ZNF16: variants seen among roughly 807,000 people sequenced by gnomAD.
The protein encoded by ZNF16 is zinc finger protein KOX9.
In ZNF16, 7 loss-of-function variants were observed where a neutral mutation model predicts 9.0. The observed-to-expected ratio is 0.78, with a 90% CI of 0.44 to 1.47. ZNF16 has a LOEUF of 1.47. ZNF16 is among the 40% of genes most tolerant of loss of function. ZNF16 has a pLI of 0.01. For missense variants in ZNF16, 830 were observed against 854.2 expected (o/e 0.97, Z 0.35); for synonymous variants, 312 against 301.5 (o/e 1.03, Z -0.36).
chr8:144,948,735 A>G (rs765773139), intron 1 of ZNF16, among the ~76,000 whole-genome samples: 1 of 140,968 alleles, frequency 7.1e-6, no homozygotes, highest in Non-Finnish European at 1.6e-5. Flanking sequence ...ATTACACCCA[A>G]CTATGCTATG....
intron 2 of ZNF16, among the ~76,000 whole-genome samples, chr8:144,935,602 C>A (rs1252869609): frequency 6.6e-6 from 1 of 152,090 alleles, no homozygotes; most frequent in African/African-American, 2.4e-5. Flanking sequence ...ACTCTGACAC[C>A]CAATTGGAAA....
At chr8:144,946,245 T>A (rs748988943) in intron 1 of ZNF16, 30 bp from the exon 2 acceptor site, 10 of 1,477,990 alleles carry the variant, frequency 6.8e-6, no homozygotes, top group Non-Finnish European at 8.1e-6. Context: ...CAGGTGAGTC[T>A]ACAGACAGGC....
chr8:144,942,779 A>G (rs950079428), intron 2 of ZNF16, among the ~76,000 whole-genome samples: 3 of 152,224 alleles, frequency 2.0e-5, no homozygotes, highest in African/African-American at 7.2e-5. Flanking sequence ...TAGACTTATA[A>G]TGCAGACCTT....
At chr8:144,941,552 T>C (rs1420498163) in intron 2 of ZNF16, among the ~76,000 whole-genome samples, 2 of 152,244 alleles carry the variant, frequency 1.3e-5, no homozygotes, top group African/African-American at 2.4e-5. Context: ...TGCCATTTTA[T>C]TTATTTTTGA....
intron 1 of ZNF16, among the ~76,000 whole-genome samples, chr8:144,949,436 CT>C (rs1834038542): frequency 6.6e-6 from 1 of 152,242 alleles, no homozygotes; most frequent in African/African-American, 2.4e-5. Context: ...CCCCATCGCA[CT>C]GCTGCCCCAT....
In ZNF16 at chr8:144,946,100, G is replaced by C. The variant is rs766407199; in HGVS notation, c.107C>G (p.Ala36Gly). Residue 36 changes from alanine (A) to glycine (G), a missense_variant, in exon 2 of 3, where the codon GCT becomes GGT. Coordinates refer to ENST00000394909, the MANE Select transcript of ZNF16 (RefSeq NM_006958.3). The part of the protein sequence containing the change: ...AAQARVRDAP[A>G]VTHPGSAACG... Reference sequence around the variant, plus strand: ...GGCTGCAGATCCAGGGTGGGTCACAGCAGGAGCATCTCTCACACGGGCCTG... The same window carrying C: ...GGCTGCAGATCCAGGGTGGGTCACACCAGGAGCATCTCTCACACGGGCCTG... 4 of 1,612,070 alleles carry C rather than the reference G, an allele frequency of 2.5e-6. No homozygotes were observed. The highest frequency in any genetic ancestry group is 2.5e-6 in the Non-Finnish European group (3 of 1,178,526).
chr8:144,931,001 T>C lies in ZNF16; in HGVS notation c.1786A>G (p.Thr596Ala). The change falls in exon 3 of 3, where the codon ACT (threonine) becomes GCT (alanine). Residue 596 changes from threonine to alanine, a missense_variant. Transcript: ENST00000394909. ...SNLIHHQKVH[T>A]GEKPYTCVEC... ...ACACAGGTGTAGGGTTTTTCCCCAG[T>C]ATGAACTTTCTGGTGGTGAATGAGA... 1 of 1,614,222 alleles carries C rather than the reference T, an allele frequency of 6.2e-7. No individual in the cohort carries two copies. The highest frequency in any genetic ancestry group is 8.5e-7 in the Non-Finnish European group (1 of 1,180,032).
chr8:144,949,687 C>G (rs1411102863), intron 1 of ZNF16, among the ~76,000 whole-genome samples: 1 of 152,190 alleles, frequency 6.6e-6, no homozygotes, highest in Non-Finnish European at 1.5e-5. Flanking sequence ...TGTTTACAAG[C>G]AGATGCTTGG....
At chr8:144,949,216 T>C (rs1834031416) in intron 1 of ZNF16, among the ~76,000 whole-genome samples, 1 of 152,234 alleles carries the variant, frequency 6.6e-6, no homozygotes, top group South Asian at 2.1e-4. Context: ...ACCTTCCCCC[T>C]TGGGGAAGAA....
intron 1 of ZNF16, among the ~76,000 whole-genome samples, chr8:144,946,945 C>T (rs1224239400): frequency 1.6e-4 from 16 of 98,668 alleles, no homozygotes; most frequent in African/African-American, 5.8e-4. Context: ...TGGGCCTGTA[C>T]CCTGCTGTGG....
Position 144,932,309 on chromosome 8 carries a change from T to C in ZNF16, c.478A>G (p.Ser160Gly). 1.9e-6 allele frequency: 3 copies of C among 1,614,070 alleles called. No individual in the cohort carries two copies. The highest frequency in any genetic ancestry group is 4.5e-5 in the East Asian group (2 of 44,886). Residue 160 changes from serine to glycine, a missense_variant, in exon 3 of 3, where the codon AGT becomes GGT. Ser to Gly is a moderately conservative substitution (Grantham distance 56). Transcript: ENST00000394909. This position sits in a 1 kb window ranked among gnomAD's most constrained non-coding sequence, Gnocchi z 5.0. ...EKDLDCNGFD[S>G]RFSLSPNLMA... is the part of the protein sequence containing the mutation. Reference sequence around the variant, plus strand: ...AGGTTTGGGCTCAGACTGAAGCGACTGTCAAAACCATTACAGTCCAGATCT... The same window carrying C: ...AGGTTTGGGCTCAGACTGAAGCGACCGTCAAAACCATTACAGTCCAGATCT...
At chr8:144,935,180 T>TA (rs1444597533) in intron 2 of ZNF16, among the ~76,000 whole-genome samples, 1 of 149,148 alleles carries the variant, frequency 6.7e-6, no homozygotes, top group African/African-American at 2.4e-5. Flanking sequence ...AAATATAAAA[T>TA]AAAAAATTTT....
At chr8:144,950,014 A>G (rs1229498396) in intron 1 of ZNF16, among the ~76,000 whole-genome samples, 3 of 152,242 alleles carry the variant, frequency 2.0e-5, no homozygotes, top group Non-Finnish European at 2.9e-5. Context: ...TTCAATTCTG[A>G]GACAGGAGAA....
intron 2 of ZNF16, among the ~76,000 whole-genome samples, chr8:144,943,823 A>C (rs1240951053): frequency 2.6e-5 from 4 of 152,008 alleles, no homozygotes; most frequent in Non-Finnish European, 4.4e-5. Flanking sequence ...CCCAGCCATT[A>C]AGTTCACTTT....
In ZNF16 at chr8:144,931,455, C is replaced by A; in HGVS notation, c.1332G>T (p.Gln444His). 1 of 1,614,162 alleles carries A rather than the reference C, an allele frequency of 6.2e-7. No individual in the cohort carries two copies. The highest frequency in any genetic ancestry group is 1.1e-5 in the South Asian group (1 of 91,082). ...KCSDCGKAFS[Q>H]SSSLIQHRRI... The stretch of plus-strand genomic sequence containing the variant: ...TCCGATGCTGAATAAGGCTGGAGCT[C>A]TGACTAAATGCTTTCCCACAGTCAC... Residue 444 changes from glutamine (Q) to histidine (H), a missense_variant, in exon 3 of 3, where the codon CAG becomes CAT. Gln to His is a conservative substitution (Grantham distance 24). Transcript: ENST00000394909.
In ZNF16 at chr8:144,946,042, C is replaced by T; in HGVS notation, c.165G>A (p.Leu55=). ...CGTPCCSDTE[L]EAICPHYQQP... ...GCTGATAGTGAGGGCAGATGGCTTC[C>T]AGCTCAGTATCACTACAGCAGGGGG... The change falls in exon 2 of 3, where the codon CTG becomes CTA. Residue 55 remains leucine, a synonymous_variant. Transcript: ENST00000394909. The T allele has an allele frequency of 1.9e-6, 3 of 1,613,782 alleles. No individual in the cohort carries two copies. The highest frequency in any genetic ancestry group is 2.5e-6 in the Non-Finnish European group (3 of 1,179,788).
chr8:144,943,830 C>T (rs1164629385), intron 2 of ZNF16, among the ~76,000 whole-genome samples: 2 of 151,924 alleles, frequency 1.3e-5, no homozygotes, highest in South Asian at 2.1e-4. Flanking sequence ...ATTAAGTTCA[C>T]TTTTCTTAGA....
rs1027657454 is a variant in ZNF16 at position 144,932,768 on chromosome 8, G to C, written c.197-178C>G. 2.0e-5 allele frequency among the ~76,000 whole-genome samples: 3 copies of C among 152,126 alleles called. No individual in the cohort carries two copies. Among genetic ancestry groups the C allele is most frequent in the Non-Finnish European group, 2.9e-5 (2 of 68,014 alleles). Reference sequence around the variant, plus strand: ...GGTGGGAGGAGCACTGGGTGATTAGGCTGCATGGGGCTGCAGATGAGTGAG... The same window carrying C: ...GGTGGGAGGAGCACTGGGTGATTAGCCTGCATGGGGCTGCAGATGAGTGAG... On this transcript the variant is annotated intron_variant, in intron 2 of 2. Coordinates refer to ENST00000394909, the MANE Select transcript of ZNF16 (RefSeq NM_006958.3). The surrounding 1 kb of genome is among the most constrained non-coding windows in gnomAD (Gnocchi z 5.0).
At chr8:144,949,861 C>T (rs1276312235) in intron 1 of ZNF16, among the ~76,000 whole-genome samples, 1 of 152,192 alleles carries the variant, frequency 6.6e-6, no homozygotes, top group African/African-American at 2.4e-5. Context: ...GACCGTCCCC[C>T]AGCCCAACGC....
Sources: gnomAD v4.1 joint callset for allele counts (sites outside exome capture counted in the v4.1 genomes callset) on GRCh38, gnomAD v4.1.1 for gene constraint, Gnocchi (gnomAD v3.1) non-coding constraint, MANE v1.5 for transcripts, NCBI Gene and HGNC (gene_info 2026-07-23, HGNC 2026-07-21) for gene names.